The following HOTAIR variants were observed in gnomAD, a reference collection of about 807,000 sequenced individuals.
HOTAIR encodes the protein HOX transcript antisense RNA (non-protein coding).
chr12:53,964,561 T>G (rs4759312), intron 5 of HOTAIR, among the ~76,000 whole-genome samples: 10 of 152,222 alleles, frequency 6.6e-5, no homozygotes, highest in Admixed American at 5.9e-4. Context: ...TTCTGTCCCC[T>G]GCACTTCCTG....
At chr12:53,968,708 G>A (rs1318230854) in exon 2 of HOTAIR, 1 of 152,446 alleles carries the variant, frequency 6.6e-6, no homozygotes, top group Non-Finnish European at 1.5e-5. Flanking sequence ...AGGCTTCCAG[G>A]TTCCGGAAAT....
In HOTAIR at chr12:53,974,253, C is replaced by A. The variant is rs1037626875; in HGVS notation, n.59+645G>T. Among the ~76,000 whole-genome samples the A allele has an allele frequency of 1.4e-5, 2 of 146,332 alleles. 1 individual carries two copies. The highest frequency in any genetic ancestry group is 1.4e-4 in the Admixed American group (2 of 14,778). On this transcript the variant is annotated intron_variant and non_coding_transcript_variant, in intron 1 of 6. Transcript: ENST00000424518. ...CATTGCGGGCGATATTAACTTTGAT[C>A]GTGAACTTAGAGGAGCATTTAAGGA... is the stretch of plus-strand genomic sequence containing the variant.
chr12:53,974,008 G>A (rs1939201732), intron 1 of HOTAIR: 19 of 1,191,986 alleles, frequency 1.6e-5, no homozygotes, highest in Non-Finnish European at 2.0e-5. Context: ...GGCAAGGGGA[G>A]CGGGGACGGC....
intron 1 of HOTAIR, among the ~76,000 whole-genome samples, chr12:53,971,251 GT>G (rs1392371469): frequency 6.6e-6 from 1 of 152,192 alleles, no homozygotes; most frequent in Non-Finnish European, 1.5e-5. Flanking sequence ...CTTTGCTTCA[GT>G]TTAAGATCTG....
At chr12:53,966,826 C>T (rs1382963162) in intron 3 of HOTAIR, among the ~76,000 whole-genome samples, 1 of 17,812 alleles carries the variant, frequency 5.6e-5, no homozygotes, top group Non-Finnish European at 6.7e-4. Flanking sequence ...GCGCCGCAGC[C>T]GGCCCGGCGA....
intron 2 of HOTAIR, chr12:53,968,378 C>T (rs955930325): frequency 1.3e-5 from 2 of 152,244 alleles, no homozygotes; most frequent in African/African-American, 4.8e-5. Flanking sequence ...AATGCACGAT[C>T]CATACCCGGA....
chr12:53,974,948 G>A (rs1939228397), exon 1 of HOTAIR: 2 of 540,790 alleles, frequency 3.7e-6, no homozygotes, highest in South Asian at 4.7e-5. Flanking sequence ...GCTCTCGCCT[G>A]AGAACTGGGG....
Position 53,973,646 on chromosome 12 carries a change from C to G in HOTAIR, n.59+1252G>C, listed in dbSNP as rs139414813. On this transcript the variant is annotated intron_variant and non_coding_transcript_variant, in intron 1 of 6. Coordinates refer to ENST00000424518, the Ensembl canonical transcript of HOTAIR. This position sits in a 1 kb window ranked among gnomAD's most constrained non-coding sequence, Gnocchi z 4.3. ...CCAGCGCCCCGCACGCAACCCCCGC[C>G]GGCTTCTACTCCTCAGTCAACAAGA... is the stretch of plus-strand genomic sequence containing the variant. 1.4e-5 allele frequency: 22 copies of G among 1,613,688 alleles called. No individual in the cohort carries two copies. The highest frequency in any genetic ancestry group is 6.7e-5 in the East Asian group (3 of 44,888).
chr12:53,963,752 G>C (rs1177678547), exon 7 of HOTAIR: 1 of 152,206 alleles, frequency 6.6e-6, no homozygotes, highest in Non-Finnish European at 1.5e-5. Context: ...GGCCCGGTGT[G>C]GGGCAGTGGC....
chr12:53,972,265 G>C (rs1348462062), intron 1 of HOTAIR, among the ~76,000 whole-genome samples: 2 of 152,236 alleles, frequency 1.3e-5, no homozygotes, highest in Non-Finnish European at 1.5e-5. Context: ...TTTCTTTGGG[G>C]TTTGGGATTT....
intron 3 of HOTAIR, chr12:53,967,228 G>GA (rs1420211957): frequency 6.6e-6 from 1 of 152,184 alleles, no homozygotes; most frequent in Middle Eastern, 3.4e-3. Flanking sequence ...TCCTCAACTG[G>GA]AAAAATGGCC....
At chr12:53,966,860 C>T (rs987809812) in intron 3 of HOTAIR, among the ~76,000 whole-genome samples, 1 of 152,186 alleles carries the variant, frequency 6.6e-6, no homozygotes, top group African/African-American at 2.4e-5. Context: ...CCGTATCCGC[C>T]GCGACAGCCT....
chr12:53,967,162 G>A (rs1346628589), intron 3 of HOTAIR: 1 of 152,158 alleles, frequency 6.6e-6, no homozygotes. Context: ...ACAATGATGG[G>A]GAATTCTGGT....
At position 53,973,844 on chromosome 12, in the gene HOTAIR, TGAG is replaced by T. The variant is rs779039291; in HGVS notation, n.59+1051_59+1053del. 1,113 of 1,434,670 alleles carry T rather than the reference TGAG, an allele frequency of 7.8e-4. 2 individuals carry two copies. The highest frequency in any genetic ancestry group is 1.7e-3 in the Middle Eastern group (9 of 5,182). The allele number at this position is 1,434,670 out of a possible 1,614,324, so 88.9% of individuals were successfully genotyped here. A position where few individuals can be genotyped will look rare whatever the true frequency, so the allele number is the denominator to read the frequency against. ...CTGAGGCGGGTGCCGAGGCGGAGGC[TGAG>T]GAGGAGAACACAAATCCCAGCTCGT... On this transcript the variant is annotated intron_variant and non_coding_transcript_variant, in intron 1 of 6. Transcript: ENST00000424518. The surrounding 1 kb of genome is among the most constrained non-coding windows in gnomAD (Gnocchi z 4.3).
intron 2 of HOTAIR, among the ~76,000 whole-genome samples, chr12:53,967,777 C>T (rs1223419391): frequency 1.3e-5 from 2 of 152,144 alleles, no homozygotes; most frequent in Admixed American, 1.3e-4. Flanking sequence ...ATAGAGATAG[C>T]CAGACCTCAC....
intron 3 of HOTAIR, among the ~76,000 whole-genome samples, chr12:53,967,070 G>T (rs956727492): frequency 1.3e-5 from 2 of 152,198 alleles, no homozygotes; most frequent in African/African-American, 4.8e-5. Context: ...CCTCCTCTGG[G>T]CTCATGGAGA....
At chr12:53,966,437 C>T (rs1939056523) in intron 3 of HOTAIR, 1 of 152,388 alleles carries the variant, frequency 6.6e-6, no homozygotes, top group African/African-American at 2.4e-5. Context: ...GCTTAAATGT[C>T]TGAATGTTAC....
chr12:53,971,743 C>T (rs962529287), intron 1 of HOTAIR, among the ~76,000 whole-genome samples: 3 of 152,226 alleles, frequency 2.0e-5, no homozygotes, highest in African/African-American at 4.8e-5. Flanking sequence ...TTGCTTTTGG[C>T]CCCTTGGACC....
chr12:53,973,888 C>T lies in HOTAIR; in HGVS notation n.59+1010G>A, dbSNP rs545823762. On this transcript the variant is annotated intron_variant and non_coding_transcript_variant, in intron 1 of 6. Coordinates refer to ENST00000424518, the Ensembl canonical transcript of HOTAIR. This position sits in a 1 kb window ranked among gnomAD's most constrained non-coding sequence, Gnocchi z 4.3. ...CCCAGCTCGTCCGGTTCAGCCCACT[C>T]CGTGGCCAAGGAGCCGGCCAAAGGA... is the stretch of plus-strand genomic sequence containing the variant. 1 of 1,451,106 alleles carries T rather than the reference C, an allele frequency of 6.9e-7. No homozygotes were observed. Among genetic ancestry groups the T allele is most frequent in the Non-Finnish European group, 9.1e-7 (1 of 1,100,988 alleles). 89.9% of individuals were successfully genotyped at this position (1,451,106 alleles called of 1,614,324 possible). A position where few individuals can be genotyped will look rare whatever the true frequency, so the allele number is the denominator to read the frequency against.
Sources: allele counts gnomAD v4.1 joint callset (sites outside exome capture counted in the v4.1 genomes callset), GRCh38; gene constraint gnomAD v4.1.1; non-coding constraint Gnocchi (gnomAD v3.1); transcripts MANE v1.5; gene names NCBI Gene and HGNC (gene_info 2026-07-23, HGNC 2026-07-21).